SNX2: variants seen among roughly 807,000 people sequenced by gnomAD.
SNX2 encodes sorting nexin 2.
A neutral mutation model predicts 69.9 loss-of-function variants in SNX2; 25 were observed. The ratio of observed to expected loss-of-function variants is 0.36; its 90% CI spans 0.26 to 0.50. The LOEUF (loss-of-function observed/expected upper bound fraction) is 0.50. Among genes scored for constraint, SNX2 ranks in the 20% least tolerant of loss-of-function variants. The pLI is 0.97. For missense variants in SNX2, 551 were observed against 613.3 expected (o/e 0.90, Z 1.07); for synonymous variants, 229 against 200.4 (o/e 1.14, Z -1.20).
intron 1 of SNX2, among the ~76,000 whole-genome samples, chr5:122,782,535 G>T (rs542145830): frequency 6.6e-6 from 1 of 150,804 alleles, no homozygotes; most frequent in East Asian, 2.0e-4. Flanking sequence ...CATCACGCCC[G>T]GCCTATTTTA....
intron 5 of SNX2, 89 bp from the exon 6 acceptor site, chr5:122,803,383 C>T: frequency 7.9e-7 from 1 of 1,259,656 alleles, no homozygotes; most frequent in African/African-American, 1.5e-5. Flanking sequence ...AAAGTAGATA[C>T]ATGTATGTGT....
chr5:122,801,682 TG>T (rs1753517376), intron 3 of SNX2, among the ~76,000 whole-genome samples, 186 bp from the exon 4 acceptor site: 1 of 151,122 alleles, frequency 6.6e-6, no homozygotes, highest in Admixed American at 6.6e-5. Flanking sequence ...TGTGTGTGTG[TG>T]TGTGTGTTTT....
intron 2 of SNX2, among the ~76,000 whole-genome samples, chr5:122,799,062 T>A (rs1488396981): frequency 2.0e-5 from 3 of 152,206 alleles, no homozygotes; most frequent in Non-Finnish European, 4.4e-5. Flanking sequence ...ATGTAGCCTG[T>A]AGACATTCAG....
At chr5:122,813,287 A>G (rs1753821720) in intron 7 of SNX2, among the ~76,000 whole-genome samples, 1 of 152,140 alleles carries the variant, frequency 6.6e-6, no homozygotes, top group South Asian at 2.1e-4. Flanking sequence ...AAACATATAT[A>G]TAAAAGCATA....
chr5:122,787,140 TA>T (rs1446352510), intron 1 of SNX2, among the ~76,000 whole-genome samples: 2 of 152,116 alleles, frequency 1.3e-5, no homozygotes, highest in African/African-American at 4.8e-5. Context: ...CACTAGAAAA[TA>T]GCTCTTTTCC....
intron 1 of SNX2, among the ~76,000 whole-genome samples, chr5:122,779,969 A>G (rs2149999602): frequency 6.6e-6 from 1 of 152,350 alleles, no homozygotes; most frequent in East Asian, 1.9e-4. Context: ...GCCTAAAGAA[A>G]GAAAGTGCAA....
chr5:122,810,082 C>T (rs1473996229), intron 7 of SNX2, among the ~76,000 whole-genome samples: 1 of 150,846 alleles, frequency 6.6e-6, no homozygotes, highest in African/African-American at 2.5e-5. Flanking sequence ...CCTTGGGATC[C>T]TGTCGATCTG....
In SNX2 at chr5:122,834,496, T is replaced by A. The variant is rs904872697; in HGVS notation, c.*4848T>A. The A allele has an allele frequency of 6.6e-6, 1 of 152,196 alleles. No individual in the cohort carries two copies. The highest frequency in any genetic ancestry group is 1.5e-5 in the Non-Finnish European group (1 of 68,018). 9.4% of individuals were successfully genotyped at this position (152,196 alleles called of 1,614,324 possible). ...AAAAAATAAAGTTCTATTTTAAATT[T>A]ATACATGTAACTTTAATAAAAACTA... On this transcript the variant is annotated 3_prime_UTR_variant, in exon 15 of 15. Coordinates refer to ENST00000379516, the MANE Select transcript of SNX2 (RefSeq NM_003100.4).
At chr5:122,824,125 C>G (rs1206870675) in intron 11 of SNX2, among the ~76,000 whole-genome samples, 1 of 150,766 alleles carries the variant, frequency 6.6e-6, no homozygotes, top group East Asian at 1.9e-4. Flanking sequence ...TGGCGTGAAC[C>G]TGGGAGTTGG....
At chr5:122,782,319 A>G (rs148772642) in intron 1 of SNX2, among the ~76,000 whole-genome samples, 2 of 150,698 alleles carry the variant, frequency 1.3e-5, no homozygotes, top group Admixed American at 1.3e-4. Context: ...GTTCACTGCA[A>G]CCTCCACCTC....
At chr5:122,801,180 G>C (rs2150008024) in intron 3 of SNX2, among the ~76,000 whole-genome samples, 1 of 152,216 alleles carries the variant, frequency 6.6e-6, no homozygotes. Context: ...TTTGAAAAAT[G>C]CTAGTATTAA....
intron 11 of SNX2, among the ~76,000 whole-genome samples, chr5:122,819,228 AG>A (rs1359100528): frequency 2.6e-5 from 4 of 152,314 alleles, no homozygotes; most frequent in Middle Eastern, 6.8e-3. Context: ...AACAGGTCTA[AG>A]GAATGACAGA....
intron 11 of SNX2, among the ~76,000 whole-genome samples, chr5:122,822,992 G>A (rs1012756233): frequency 6.6e-6 from 1 of 152,148 alleles, no homozygotes; most frequent in African/African-American, 2.4e-5. Flanking sequence ...CAGATTAACT[G>A]AATTACAATA....
intron 14 of SNX2, 70 bp from the exon 15 acceptor site, chr5:122,829,528 G>A (rs1432478147): frequency 7.9e-6 from 10 of 1,259,874 alleles, no homozygotes; most frequent in Non-Finnish European, 2.3e-6. Context: ...TTTTAATGCT[G>A]TACAGGATAT....
At chr5:122,815,795 G>A (rs1445501773) in intron 7 of SNX2, 101 bp from the exon 8 acceptor site, 9 of 563,316 alleles carry the variant, frequency 1.6e-5, no homozygotes, top group South Asian at 1.5e-4. Context: ...ACGAGGTAGT[G>A]AGGACACTTT....
At chr5:122,801,690 T>TGTG (rs1554062722) in intron 3 of SNX2, among the ~76,000 whole-genome samples, 179 bp from the exon 4 acceptor site, 1 of 150,450 alleles carries the variant, frequency 6.6e-6, no homozygotes, top group African/African-American at 2.4e-5. Context: ...TGTGTGTGTG[T>TGTG]TTTATTTATA....
Position 122,795,293 on chromosome 5 carries a change from A to G in SNX2, c.136A>G (p.Ser46Gly). ...AAGTCCATCATCTCCAGAACCAGCT[A>G]GTCTTCCTGCAGAAGATATTAGTGC... ...ESSPSSPEPA[S>G]LPAEDISANS... The change falls in exon 2 of 15, where the codon AGT becomes GGT. Residue 46 changes from serine (S) to glycine (G), a missense_variant. Physicochemically the swap from Ser to Gly is moderately conservative, Grantham distance 56. This residue lies in a region of SNX2 where 191 missense variants were observed against 162.9 expected (regional missense o/e 1.17). Coordinates refer to ENST00000379516, the MANE Select transcript of SNX2 (RefSeq NM_003100.4). The G allele has an allele frequency of 6.2e-7, 1 of 1,613,258 alleles. No individual in the cohort carries two copies. Among genetic ancestry groups the G allele is most frequent in the Non-Finnish European group, 8.5e-7 (1 of 1,179,298 alleles).
intron 1 of SNX2, among the ~76,000 whole-genome samples, chr5:122,794,292 T>C (rs1642722673): frequency 6.6e-6 from 1 of 151,938 alleles, no homozygotes; most frequent in African/African-American, 2.4e-5. Flanking sequence ...GCCTGGGCAA[T>C]AGAATGAGAC....
At chr5:122,791,329 T>C (rs1027500522) in intron 1 of SNX2, among the ~76,000 whole-genome samples, 1 of 152,086 alleles carries the variant, frequency 6.6e-6, no homozygotes, top group African/African-American at 2.4e-5. Context: ...TCGCCCAGGC[T>C]GGAGTGTAGT....
Sources: allele counts gnomAD v4.1 joint callset (sites outside exome capture counted in the v4.1 genomes callset), GRCh38; gene constraint gnomAD v4.1.1; regional missense constraint gnomAD v4.1.1; transcripts MANE v1.5; gene names NCBI Gene and HGNC (gene_info 2026-07-23, HGNC 2026-07-21).